Variants in ATAD1 observed in about 807,000 individuals in gnomAD.
ATAD1 encodes outer mitochondrial transmembrane helix translocase.
Under a neutral mutation model 42.7 loss-of-function variants are expected in ATAD1, and 18 were observed. That is an observed-to-expected ratio of 0.42 (90% CI 0.29 to 0.63). The LOEUF (loss-of-function observed/expected upper bound fraction) is 0.63. Ranked by LOEUF, ATAD1 falls within the 20% of genes least tolerant of loss-of-function variation. The probability of loss-of-function intolerance (pLI) is 0.19; values close to 1 mark genes in which losing one functional copy is unlikely to be tolerated. For missense variants in ATAD1, 294 were observed against 440.4 expected (o/e 0.67, Z 2.98); for synonymous variants, 132 against 143.1 (o/e 0.92, Z 0.55).
chr10:87,815,717 T>C (rs1371753803), intron 1 of ATAD1, among the ~76,000 whole-genome samples: 1 of 152,060 alleles, frequency 6.6e-6, no homozygotes, highest in Non-Finnish European at 1.5e-5. Context: ...TTTCCTTTTA[T>C]ACCCCTCACC....
Position 87,754,621 on chromosome 10 carries a change from A to G in ATAD1, c.*66T>C. ...GTTTAAAGAGCACTCTTTCCGTTCT[A>G]TTTCCACTAACTGATAAGAGGACAC... On this transcript the variant is annotated 3_prime_UTR_variant, in exon 10 of 10. Coordinates refer to ENST00000680024, the MANE Select transcript of ATAD1 (RefSeq NM_001321967.2). The G allele has an allele frequency of 3.9e-6, 6 of 1,524,282 alleles. No homozygotes were observed. Among genetic ancestry groups the G allele is most frequent in the Non-Finnish European group, 5.3e-6 (6 of 1,124,124 alleles). The allele number at this position is 1,524,282 out of a possible 1,614,324, so 94.4% of individuals were successfully genotyped here. A position where few individuals can be genotyped will look rare whatever the true frequency, so the allele number is the denominator to read the frequency against.
chr10:87,777,848 C>T (rs9651491), intron 5 of ATAD1, among the ~76,000 whole-genome samples: 47,698 of 151,870 alleles, frequency 0.31, 7,835 homozygotes, highest in African/African-American at 0.36. Context: ...TACCATGACA[C>T]ATGAGAGTCC....
At chr10:87,790,451 C>T in intron 3 of ATAD1, 21 bp from the exon 4 acceptor site, 1 of 1,584,002 alleles carries the variant, frequency 6.3e-7, no homozygotes, top group Admixed American at 2.0e-5. Context: ...TTAAGGTCAA[C>T]ATGAATTTTA....
At position 87,790,367 on chromosome 10, in the gene ATAD1, A is replaced by G; in HGVS notation, c.325T>C (p.Leu109=). 1 of 1,613,060 alleles carries G rather than the reference A, an allele frequency of 6.2e-7. No individual in the cohort carries two copies. The highest frequency in any genetic ancestry group is 8.5e-7 in the Non-Finnish European group (1 of 1,179,766). Residue 109 remains leucine, a synonymous_variant, in exon 4 of 10, where the codon TTA becomes CTA. Transcript: ENST00000680024. ...AACAAATGTTTCTTTTTGATAGGTAAGATGACTGTGTCTTTCAGATCCGTA... is the reference window on the plus strand; with the variant it reads ...AACAAATGTTTCTTTTTGATAGGTAGGATGACTGTGTCTTTCAGATCCGTA... ...VITDLKDTVI[L]PIKKKHLFEN...
At chr10:87,766,291 C>T (rs1477718094) in intron 8 of ATAD1, among the ~76,000 whole-genome samples, 2 of 152,128 alleles carry the variant, frequency 1.3e-5, no homozygotes, top group East Asian at 1.9e-4. Flanking sequence ...AAATGACATA[C>T]ACACAAGGTT....
chr10:87,800,261 A>AATTT (rs1395382239), intron 2 of ATAD1, among the ~76,000 whole-genome samples: 1 of 152,072 alleles, frequency 6.6e-6, no homozygotes, highest in African/African-American at 2.4e-5. Flanking sequence ...ACGTTTAATA[A>AATTT]ATTATAAGAG....
intron 1 of ATAD1, among the ~76,000 whole-genome samples, chr10:87,824,349 C>T (rs972851410): frequency 3.3e-5 from 5 of 152,110 alleles, no homozygotes; most frequent in African/African-American, 4.8e-5. Flanking sequence ...CTAGTCCAAT[C>T]GGGGAGTCTT....
chr10:87,779,028 A>G (rs964875595), intron 5 of ATAD1, among the ~76,000 whole-genome samples: 2 of 152,174 alleles, frequency 1.3e-5, no homozygotes, highest in African/African-American at 4.8e-5. Flanking sequence ...TGGACTTAAA[A>G]TTCCTGGCTG....
At chr10:87,825,594 C>T (rs1857712522) in intron 1 of ATAD1, among the ~76,000 whole-genome samples, 2 of 152,276 alleles carry the variant, frequency 1.3e-5, no homozygotes, top group Admixed American at 6.5e-5. Context: ...CAGGCATGAG[C>T]CACCGTGCCC....
intron 6 of ATAD1, among the ~76,000 whole-genome samples, chr10:87,772,819 C>G (rs1226813288): frequency 6.6e-6 from 1 of 152,040 alleles, no homozygotes; most frequent in East Asian, 1.9e-4. Flanking sequence ...TTTTAAGCAG[C>G]AAAAGCAGAG....
intron 2 of ATAD1, among the ~76,000 whole-genome samples, chr10:87,799,783 A>T (rs868123107): frequency 1.0e-4 from 14 of 134,790 alleles, no homozygotes; most frequent in East Asian, 2.0e-4. Context: ...GTAGAAAAAT[A>T]TTTTTTTTTT....
In ATAD1 at chr10:87,784,681, A is replaced by G. The variant is rs773060831; in HGVS notation, c.383-11T>C. 16 of 1,610,058 alleles carry G rather than the reference A, an allele frequency of 9.9e-6. No individual in the cohort carries two copies. The Admixed American group carries it at 2.2e-4, about 22-fold the overall frequency. On this transcript the variant is annotated splice_polypyrimidine_tract_variant and intron_variant, in intron 4 of 9. Coordinates refer to ENST00000680024, the MANE Select transcript of ATAD1 (RefSeq NM_001321967.2). ...CATAGAGAAGAACACCTGGAAATGA[A>G]TATGTTATTTATTACCTTTAAGGGG...
At chr10:87,766,514 T>A (rs1854757458) in intron 8 of ATAD1, among the ~76,000 whole-genome samples, 1 of 152,186 alleles carries the variant, frequency 6.6e-6, no homozygotes, top group Admixed American at 6.5e-5. Flanking sequence ...AGTGTGTATG[T>A]GTTATTGATA....
chr10:87,772,352 A>ATCC (rs1564746983), intron 6 of ATAD1, among the ~76,000 whole-genome samples: 1 of 151,930 alleles, frequency 6.6e-6, no homozygotes, highest in Non-Finnish European at 1.5e-5. Context: ...GGCTCAAGCG[A>ATCC]TCCTCCCCAC....
intron 4 of ATAD1, among the ~76,000 whole-genome samples, chr10:87,789,996 A>ACAAAT (rs1179037806): frequency 2.6e-5 from 4 of 152,162 alleles, no homozygotes; most frequent in Non-Finnish European, 4.4e-5. Context: ...ACAAAACAAA[A>ACAAAT]CAAAACAAAA....
At chr10:87,767,623 A>G (rs1854821658) in intron 8 of ATAD1, 50 bp downstream of exon 8, 1 of 1,482,618 alleles carries the variant, frequency 6.7e-7, no homozygotes, top group Admixed American at 1.8e-5. Context: ...AAATAACTTT[A>G]TGAACATCAG....
At position 87,752,853 on chromosome 10, in the gene ATAD1, AT is replaced by A. The variant is rs1191354287; in HGVS notation, c.*1833del. ...AATTGAATAACCACTCCTACTGGAT[AT>A]TGTGAATTTAAGAGAAGACAAAAAG... On this transcript the variant is annotated 3_prime_UTR_variant, in exon 10 of 10. Coordinates refer to ENST00000680024, the MANE Select transcript of ATAD1 (RefSeq NM_001321967.2). 2.0e-5 allele frequency: 3 copies of A among 152,184 alleles called. No individual in the cohort carries two copies. The highest frequency in any genetic ancestry group is 4.4e-5 in the Non-Finnish European group (3 of 68,008). The allele number at this position is 152,184 out of a possible 1,614,324, so 9.4% of individuals were successfully genotyped here.
At chr10:87,781,562 A>G (rs1209734876) in intron 5 of ATAD1, among the ~76,000 whole-genome samples, 1 of 152,232 alleles carries the variant, frequency 6.6e-6, no homozygotes, top group Admixed American at 6.5e-5. Flanking sequence ...GTAAAAAACA[A>G]AACAGTATGT....
chr10:87,760,078 A>G (rs1382339899), intron 8 of ATAD1, among the ~76,000 whole-genome samples: 2 of 152,228 alleles, frequency 1.3e-5, no homozygotes, highest in African/African-American at 2.4e-5. Flanking sequence ...GTTGTTTATT[A>G]TTATATCCAC....
Sources: gnomAD v4.1 joint callset for allele counts (sites outside exome capture counted in the v4.1 genomes callset) on GRCh38, gnomAD v4.1.1 for gene constraint, MANE v1.5 for transcripts, NCBI Gene and HGNC (gene_info 2026-07-23, HGNC 2026-07-21) for gene names.